The following ARMC9 variants were observed in gnomAD, a reference collection of about 807,000 sequenced individuals.
The protein encoded by ARMC9 is armadillo repeat containing 9.
ARMC9 carries 94 observed loss-of-function variants against 107.0 expected under a neutral mutation model. That is an observed-to-expected ratio of 0.88 (90% CI 0.74 to 1.04). The LOEUF (loss-of-function observed/expected upper bound fraction) is 1.04, where lower values mean the gene tolerates loss of function less well. Ranked by LOEUF, ARMC9 falls within the 50% of genes least tolerant of loss-of-function variation. The pLI is 0.00. For missense variants in ARMC9, 942 were observed against 1,030.1 expected (o/e 0.91, Z 1.17); for synonymous variants, 380 against 396.9 (o/e 0.96, Z 0.51).
intron 19 of ARMC9, among the ~76,000 whole-genome samples, chr2:231,312,878 C>A (rs191906739): frequency 6.6e-6 from 1 of 152,268 alleles, no homozygotes; most frequent in African/African-American, 2.4e-5. Flanking sequence ...AGTATACATT[C>A]GGTTCAGGCT....
intron 1 of ARMC9, among the ~76,000 whole-genome samples, chr2:231,200,876 G>A (rs2125296141): frequency 6.6e-6 from 1 of 152,176 alleles, no homozygotes; most frequent in South Asian, 2.1e-4. Flanking sequence ...GGGAAAGAAG[G>A]GAGGGGTTTT....
At chr2:231,262,245 T>C in intron 11 of ARMC9, 61 bp from the exon 12 acceptor site, 4 of 1,505,006 alleles carry the variant, frequency 2.7e-6, no homozygotes, top group South Asian at 2.3e-5. Context: ...ACACCTGCTA[T>C]GAGAAACTTT....
chr2:231,359,631 G>A (rs560100183), intron 22 of ARMC9, among the ~76,000 whole-genome samples: 1 of 152,260 alleles, frequency 6.6e-6, no homozygotes, highest in Non-Finnish European at 1.5e-5. Flanking sequence ...GTTGTAATGG[G>A]GTTCCCCTGC....
intron 19 of ARMC9, among the ~76,000 whole-genome samples, chr2:231,331,412 G>A (rs557976890): frequency 6.6e-6 from 1 of 151,994 alleles, no homozygotes; most frequent in African/African-American, 2.4e-5. Context: ...CTGTTCTAGA[G>A]TTCCCTATCC....
rs539327734 is a variant in ARMC9, at chr2:231,255,644, C to A, written c.880-942C>A. On this transcript the variant is annotated intron_variant, in intron 9 of 24. Coordinates refer to ENST00000611582, the MANE Select transcript of ARMC9 (RefSeq NM_001352754.2). This position sits in a 1 kb window ranked among gnomAD's most constrained non-coding sequence, Gnocchi z 4.7. ...GGAGTGGTGTAACATCAAACCAGGG[C>A]TGGGTAGGCTGTGAGCTGGATTAGT... Among the ~76,000 whole-genome samples, 64 of 152,038 alleles carry A rather than the reference C, an allele frequency of 4.2e-4. No individual in the cohort carries two copies. The highest frequency in any genetic ancestry group is 5.3e-4 in the Non-Finnish European group (36 of 68,014).
rs1379986354 is a variant in ARMC9, at chr2:231,374,072, A to G, written c.*2537A>G. On this transcript the variant is annotated 3_prime_UTR_variant, in exon 25 of 25. Transcript: ENST00000611582. Reference sequence around the variant, plus strand: ...AAATATACTTTGTAAAATACCAACAACTTATTCACAAATATTCCAACTATC... The same window carrying G: ...AAATATACTTTGTAAAATACCAACAGCTTATTCACAAATATTCCAACTATC... 2 of 152,144 alleles carry G rather than the reference A, an allele frequency of 1.3e-5. No individual in the cohort carries two copies. The highest frequency in any genetic ancestry group is 4.1e-4 in the South Asian group (2 of 4,820). The allele number at this position is 152,144 out of a possible 1,614,324, so 9.4% of individuals were successfully genotyped here. A position where few individuals can be genotyped will look rare whatever the true frequency, so the allele number is the denominator to read the frequency against.
At chr2:231,327,974 G>A (rs923194397) in intron 19 of ARMC9, among the ~76,000 whole-genome samples, 17 of 152,000 alleles carry the variant, frequency 1.1e-4, no homozygotes, top group African/African-American at 1.7e-4. Context: ...TCGTAGAGAC[G>A]GTGTTTCGCC....
At chr2:231,234,945 A>G (rs1249622052) in intron 7 of ARMC9, among the ~76,000 whole-genome samples, 1 of 150,482 alleles carries the variant, frequency 6.6e-6, no homozygotes, top group African/African-American at 2.5e-5. Flanking sequence ...ACTAAAAGAA[A>G]TTGCATGAGG....
chr2:231,302,433 GTTTGTTTTTTT>G (rs1321328007), intron 19 of ARMC9, among the ~76,000 whole-genome samples: 22 of 96,446 alleles, frequency 2.3e-4, no homozygotes, highest in Middle Eastern at 8.6e-3. Flanking sequence ...AGCATTGTGG[GTTTGTTTTTTT>G]TTTTTTTTTT....
At chr2:231,366,671 T>A in intron 23 of ARMC9, among the ~76,000 whole-genome samples, 1 of 151,642 alleles carries the variant, frequency 6.6e-6, no homozygotes, top group East Asian at 2.0e-4. Flanking sequence ...TGAAAACCCG[T>A]CTCTACTAAA....
chr2:231,339,768 C>T (rs2044381189), intron 20 of ARMC9, among the ~76,000 whole-genome samples: 1 of 152,228 alleles, frequency 6.6e-6, no homozygotes, highest in Admixed American at 6.5e-5. Context: ...CGTATCTCTA[C>T]TTAAAATACA....
chr2:231,243,246 C>CA (rs993079189), intron 9 of ARMC9, among the ~76,000 whole-genome samples: 18,360 of 108,920 alleles, frequency 0.17, 2,745 homozygotes, highest in African/African-American at 0.42. Context: ...GACTCCGTCT[C>CA]AAAAAAAAAA....
At chr2:231,344,930 C>G (rs753390335) in intron 20 of ARMC9, 45 bp from the exon 21 acceptor site, 5 of 1,598,150 alleles carry the variant, frequency 3.1e-6, no homozygotes, top group South Asian at 1.1e-5. Flanking sequence ...GGTCAGCTCT[C>G]TAATAGATAT....
rs1196875698 is a variant in ARMC9 at position 231,297,412 on chromosome 2, G to C, written c.1773+1159G>C. Reference sequence around the variant, plus strand: ...TGGTAAAATTGGGTTTAGAACAGGAGTCGGCAGACACTTTGTGTAAAGGAA... The same window carrying C: ...TGGTAAAATTGGGTTTAGAACAGGACTCGGCAGACACTTTGTGTAAAGGAA... On this transcript the variant is annotated intron_variant, in intron 19 of 24. Transcript: ENST00000611582. This position sits in a 1 kb window ranked among gnomAD's most constrained non-coding sequence, Gnocchi z 4.2. Among the ~76,000 whole-genome samples the C allele has an allele frequency of 1.3e-5, 2 of 152,168 alleles. No individual in the cohort carries two copies. Among genetic ancestry groups the C allele is most frequent in the African/African-American group, 2.4e-5 (1 of 41,440 alleles).
chr2:231,214,810 A>G lies in ARMC9; in HGVS notation c.178-21A>G. 1.9e-6 allele frequency: 3 copies of G among 1,611,720 alleles called. No individual in the cohort carries two copies. In the South Asian group the frequency reaches 3.3e-5, roughly 18 times the overall value. ...TGTTGAAATTTACAACGAGGTATGT[A>G]GTCTGATGTCTTCTCCACAGAAGGA... On this transcript the variant is annotated intron_variant, in intron 3 of 24. Transcript: ENST00000611582.
chr2:231,296,311 C>G (rs2041363477), intron 19 of ARMC9, 58 bp downstream of exon 19: 1 of 1,390,046 alleles, frequency 7.2e-7, no homozygotes, highest in African/African-American at 1.4e-5. Context: ...TTCTCTCTTT[C>G]CTGCCTTGAC....
chr2:231,240,566 T>C (rs2036201909), intron 9 of ARMC9, among the ~76,000 whole-genome samples: 1 of 152,228 alleles, frequency 6.6e-6, no homozygotes, highest in African/African-American at 2.4e-5. Flanking sequence ...TCTGAACTAT[T>C]TGAGGATAAA....
intron 17 of ARMC9, among the ~76,000 whole-genome samples, chr2:231,286,877 A>G (rs192297229): frequency 1.3e-5 from 2 of 152,314 alleles, no homozygotes; most frequent in East Asian, 3.9e-4. Flanking sequence ...AAATAAATGA[A>G]TCCCCTGAGG....
At chr2:231,349,479 CA>C (rs943669805) in intron 21 of ARMC9, among the ~76,000 whole-genome samples, 5 of 151,552 alleles carry the variant, frequency 3.3e-5, no homozygotes, top group Admixed American at 1.3e-4. Flanking sequence ...TTAATGGTGC[CA>C]AAAAAACACA....
Sources: gnomAD v4.1 joint callset for allele counts (sites outside exome capture counted in the v4.1 genomes callset) on GRCh38, gnomAD v4.1.1 for gene constraint, Gnocchi (gnomAD v3.1) non-coding constraint, MANE v1.5 for transcripts, NCBI Gene and HGNC (gene_info 2026-07-23, HGNC 2026-07-21) for gene names.